TBCK: variants seen among roughly 807,000 people sequenced by gnomAD.
TBCK encodes TBC1 domain containing kinase.
In TBCK, 99 loss-of-function variants were observed where a neutral mutation model predicts 113.4. That is an observed-to-expected ratio of 0.87 (90% confidence interval 0.74 to 1.03). The LOEUF (loss-of-function observed/expected upper bound fraction) is 1.03. Ranked by LOEUF, TBCK falls within the 50% of genes least tolerant of loss-of-function variation. The pLI, the probability that TBCK is intolerant of heterozygous loss-of-function variation, is 0.00. For missense variants in TBCK, 1,045 were observed against 1,061.3 expected, an observed-to-expected ratio of 0.98 and a Z score of 0.21; for synonymous variants, 369 against 370.8, an observed-to-expected ratio of 1.00 and a Z score of 0.05.
chr4:106,107,567 G>T (rs77650494), intron 24 of TBCK, among the ~76,000 whole-genome samples: 5,336 of 152,208 alleles, frequency 0.035, 145 homozygotes, highest in Non-Finnish European at 0.057. Flanking sequence ...CAGAAATCAA[G>T]AAGTTCTTTT....
Position 106,151,575 on chromosome 4 carries a change from A to G in TBCK, c.2235+19520T>C, listed in dbSNP as rs184551085. Among the ~76,000 whole-genome samples, 359 of 152,154 alleles carry G rather than the reference A, an allele frequency of 2.4e-3. 1 individual carries two copies. The highest frequency in any genetic ancestry group is 8.4e-3 in the African/African-American group (349 of 41,580). ...TCTTTATGGTCTTTTGTGGTTGCATATAACAACCAATTCTAAACAATTTTA... is the reference window on the plus strand; with the variant it reads ...TCTTTATGGTCTTTTGTGGTTGCATGTAACAACCAATTCTAAACAATTTTA... On this transcript the variant is annotated intron_variant, in intron 23 of 25. Coordinates refer to ENST00000394708, the MANE Select transcript of TBCK (RefSeq NM_001163435.3).
At chr4:106,074,600 T>C (rs866529405) in intron 25 of TBCK, among the ~76,000 whole-genome samples, 1 of 152,188 alleles carries the variant, frequency 6.6e-6, no homozygotes, top group African/African-American at 2.4e-5. Flanking sequence ...GTAGGTTGAC[T>C]AAAAGATTCA....
intron 25 of TBCK, among the ~76,000 whole-genome samples, chr4:106,047,350 T>C (rs1300741807): frequency 2.0e-5 from 3 of 152,212 alleles, no homozygotes; most frequent in Non-Finnish European, 4.4e-5. Flanking sequence ...CTTTGCACTT[T>C]ATGATAAAGC....
At chr4:106,240,329 G>A (rs767050589) in intron 12 of TBCK, among the ~76,000 whole-genome samples, 2 of 151,854 alleles carry the variant, frequency 1.3e-5, no homozygotes, top group South Asian at 2.1e-4. Flanking sequence ...ATTCAATAGC[G>A]TTATAGACGC....
intron 22 of TBCK, among the ~76,000 whole-genome samples, chr4:106,179,280 C>T (rs74714108): frequency 0.018 from 2,776 of 151,942 alleles, 80 homozygotes; most frequent in African/African-American, 0.061. Flanking sequence ...TTTCCTTCTA[C>T]CAATGTTTTG....
chr4:106,282,528 G>C (rs1453204597), intron 3 of TBCK, among the ~76,000 whole-genome samples: 1 of 151,718 alleles, frequency 6.6e-6, no homozygotes, highest in African/African-American at 2.4e-5. Flanking sequence ...TATTGATGTA[G>C]ATGATTATAG....
chr4:106,169,141 A>T (rs183962721), intron 23 of TBCK, among the ~76,000 whole-genome samples: 20 of 152,230 alleles, frequency 1.3e-4, no homozygotes, highest in Admixed American at 1.1e-3. Context: ...GTTCTTCCCA[A>T]ATTGATATGT....
chr4:106,046,732 A>C (rs1423294996), intron 25 of TBCK, 52 bp from the exon 26 acceptor site: 1 of 854,718 alleles, frequency 1.2e-6, no homozygotes, highest in East Asian at 2.5e-5. Flanking sequence ...AGACATCTCC[A>C]ACCTCATGTT....
intron 19 of TBCK, among the ~76,000 whole-genome samples, chr4:106,221,369 TTATG>T (rs945782143): frequency 6.6e-6 from 1 of 152,106 alleles, no homozygotes; most frequent in African/African-American, 2.4e-5. Flanking sequence ...TAAATTTATT[TTATG>T]TATTATTAAA....
intron 5 of TBCK, among the ~76,000 whole-genome samples, chr4:106,252,297 G>A (rs1052655781): frequency 1.3e-5 from 2 of 152,002 alleles, no homozygotes; most frequent in Admixed American, 6.6e-5. Context: ...AGGCTTCCAA[G>A]TGTTTTTCCT....
chr4:106,253,258 GCT>G (rs1761622403), intron 5 of TBCK, among the ~76,000 whole-genome samples: 1 of 152,004 alleles, frequency 6.6e-6, no homozygotes, highest in African/African-American at 2.4e-5. Context: ...GTATTCTTTT[GCT>G]CTTTCAATCA....
intron 3 of TBCK, among the ~76,000 whole-genome samples, chr4:106,294,044 G>A (rs1230095670): frequency 1.3e-5 from 2 of 152,058 alleles, no homozygotes; most frequent in Admixed American, 6.6e-5. Context: ...TGAAATAATT[G>A]CATTTAAACT....
chr4:106,088,256 G>GA (rs953706046), intron 25 of TBCK, among the ~76,000 whole-genome samples: 4 of 151,796 alleles, frequency 2.6e-5, no homozygotes, highest in African/African-American at 9.7e-5. Context: ...ATATTTACAA[G>GA]AAAAAAACAA....
intron 25 of TBCK, among the ~76,000 whole-genome samples, chr4:106,081,738 A>C (rs1350726557): frequency 6.6e-6 from 1 of 152,250 alleles, no homozygotes; most frequent in Non-Finnish European, 1.5e-5. Context: ...AGAATCTATA[A>C]GAAACTTAAA....
chr4:106,230,560 G>C (rs890462996), intron 18 of TBCK, 114 bp from the exon 19 acceptor site: 2 of 477,556 alleles, frequency 4.2e-6, no homozygotes, highest in Non-Finnish European at 7.3e-6. Context: ...TAACAGTTAT[G>C]ATAGCCAAGT....
intron 25 of TBCK, among the ~76,000 whole-genome samples, chr4:106,071,598 T>C (rs904359874): frequency 6.6e-6 from 1 of 152,226 alleles, no homozygotes; most frequent in Non-Finnish European, 1.5e-5. Flanking sequence ...AAGAGTTCTG[T>C]AGATGTCTAT....
At chr4:106,214,342 C>G (rs1436656271) in intron 19 of TBCK, among the ~76,000 whole-genome samples, 2 of 152,206 alleles carry the variant, frequency 1.3e-5, no homozygotes, top group African/African-American at 4.8e-5. Context: ...CGGCTCCTCA[C>G]CAGCAACGGA....
intron 4 of TBCK, among the ~76,000 whole-genome samples, chr4:106,261,270 T>C (rs1762478044): frequency 6.6e-6 from 1 of 152,054 alleles, no homozygotes; most frequent in Non-Finnish European, 1.5e-5. Flanking sequence ...AGTACAATTT[T>C]CTATTTTTGT....
intron 23 of TBCK, among the ~76,000 whole-genome samples, chr4:106,151,081 C>T (rs567291777): frequency 1.6e-4 from 25 of 151,696 alleles, no homozygotes; most frequent in Admixed American, 3.3e-4. Flanking sequence ...GTCCATAGTA[C>T]GTAAATATAT....
Sources: gnomAD v4.1 joint callset for allele counts (sites outside exome capture counted in the v4.1 genomes callset) on GRCh38, gnomAD v4.1.1 for gene constraint, MANE v1.5 for transcripts, NCBI Gene and HGNC (gene_info 2026-07-23, HGNC 2026-07-21) for gene names.